FYB2: variants seen among roughly 807,000 people sequenced by gnomAD.
FYB2 encodes FYN-binding protein 2.
FYB2 carries 103 observed loss-of-function variants against 94.1 expected under a neutral mutation model. That is an observed-to-expected ratio of 1.09 (90% CI 0.93 to 1.29). The LOEUF (loss-of-function observed/expected upper bound fraction) is 1.29, where lower values mean the gene tolerates loss of function less well. Among genes scored for constraint, FYB2 ranks in the 50% most tolerant of loss-of-function variants. FYB2 has a pLI of 0.00. For missense variants in FYB2, 896 were observed against 841.5 expected, an observed-to-expected ratio of 1.06 and a Z score of -0.80; for synonymous variants, 293 against 287.9, an observed-to-expected ratio of 1.02 and a Z score of -0.18.
chr1:56,794,016 A>G (rs1646337439), intron 1 of FYB2, among the ~76,000 whole-genome samples: 1 of 152,218 alleles, frequency 6.6e-6, no homozygotes. Flanking sequence ...GGGCCATTAT[A>G]AGTGAAATGT....
chr1:56,732,767 A>G (rs1386017206), intron 15 of FYB2, among the ~76,000 whole-genome samples: 2 of 152,110 alleles, frequency 1.3e-5, no homozygotes, highest in African/African-American at 4.8e-5. Flanking sequence ...GGAAAACTGG[A>G]TATCCATATA....
chr1:56,808,731 G>C (rs1646700662), intron 1 of FYB2, among the ~76,000 whole-genome samples: 1 of 152,160 alleles, frequency 6.6e-6, no homozygotes, highest in Non-Finnish European at 1.5e-5. Context: ...TGCTGTAATA[G>C]AAAAGCATTA....
chr1:56,726,118 CTTTTT>C (rs901874922), intron 16 of FYB2, among the ~76,000 whole-genome samples: 2 of 151,684 alleles, frequency 1.3e-5, no homozygotes, highest in Middle Eastern at 3.4e-3. Context: ...TGATACCTAA[CTTTTT>C]TTTTCTCAAA....
intron 5 of FYB2, among the ~76,000 whole-genome samples, chr1:56,761,790 CT>C (rs398089289): frequency 1.1e-5 from 1 of 95,128 alleles, no homozygotes; most frequent in Admixed American, 1.0e-4. Flanking sequence ...TTCCTTCCCT[CT>C]CTCCTTCCCT....
At chr1:56,756,122 A>T (rs1246701331) in intron 6 of FYB2, among the ~76,000 whole-genome samples, 195 bp from the exon 7 acceptor site, 1 of 152,122 alleles carries the variant, frequency 6.6e-6, no homozygotes, top group Non-Finnish European at 1.5e-5. Flanking sequence ...AAATGAAAAC[A>T]AGCATTTCTG....
At chr1:56,805,721 GC>G (rs1415609728) in intron 1 of FYB2, among the ~76,000 whole-genome samples, 2 of 152,160 alleles carry the variant, frequency 1.3e-5, no homozygotes, top group Non-Finnish European at 2.9e-5. Context: ...TCTTTCCTGT[GC>G]TGCTCTCATG....
intron 17 of FYB2, 121 bp downstream of exon 17, chr1:56,723,466 GT>G (rs1377157993): frequency 1.9e-6 from 1 of 535,202 alleles, no homozygotes; most frequent in Non-Finnish European, 3.2e-6. Context: ...CTGGCTTTTT[GT>G]GTCAAAGATC....
rs77975488 is a variant in FYB2, at chr1:56,784,868, A to G, written c.953+2307T>C. Reference sequence around the variant, plus strand: ...CCCTGCCTTACCACTTGATAGTCTCACAAAAGAGAACACATAAGTAAACCT... The same window carrying G: ...CCCTGCCTTACCACTTGATAGTCTCGCAAAAGAGAACACATAAGTAAACCT... On this transcript the variant is annotated intron_variant, in intron 4 of 19. Transcript: ENST00000343433. Among the ~76,000 whole-genome samples the G allele has an allele frequency of 4.3e-3, 656 of 152,310 alleles. 2 individuals are homozygous for G. The highest frequency in any genetic ancestry group is 0.015 in the African/African-American group (620 of 41,572).
At chr1:56,726,672 C>T (rs1028815247) in intron 15 of FYB2, 89 bp from the exon 16 acceptor site, 7 of 1,089,874 alleles carry the variant, frequency 6.4e-6, no homozygotes, top group African/African-American at 4.9e-5. Flanking sequence ...TTATGTTTTA[C>T]AAAAAATTAA....
At chr1:56,774,599 C>G (rs984397523) in intron 4 of FYB2, among the ~76,000 whole-genome samples, 5 of 151,950 alleles carry the variant, frequency 3.3e-5, no homozygotes, top group Non-Finnish European at 5.9e-5. Context: ...CATAAATATA[C>G]GTACATGTAT....
upstream of FYB2, chr1:56,819,680 C>A: frequency 2.7e-6 from 1 of 377,248 alleles, no homozygotes; most frequent in Non-Finnish European, 5.0e-6. Flanking sequence ...ATGGGGATGG[C>A]AGGCTCCTGT....
chr1:56,791,463 C>T (rs1228265165), intron 2 of FYB2, among the ~76,000 whole-genome samples: 2 of 152,036 alleles, frequency 1.3e-5, no homozygotes, highest in African/African-American at 4.8e-5. Context: ...GCCATATTAG[C>T]CAGGCTGGTT....
intron 15 of FYB2, among the ~76,000 whole-genome samples, chr1:56,729,942 A>G (rs963409100): frequency 6.6e-6 from 1 of 152,136 alleles, no homozygotes; most frequent in Non-Finnish European, 1.5e-5. Flanking sequence ...CAATGGGTGA[A>G]GGAAGAAATT....
At chr1:56,811,048 C>A (rs909571771) in intron 1 of FYB2, among the ~76,000 whole-genome samples, 1 of 152,098 alleles carries the variant, frequency 6.6e-6, no homozygotes, top group Admixed American at 6.6e-5. Flanking sequence ...ACTCACTGAG[C>A]GCAGGTATGC....
At chr1:56,806,648 A>G (rs988913861) in intron 1 of FYB2, among the ~76,000 whole-genome samples, 7 of 152,246 alleles carry the variant, frequency 4.6e-5, no homozygotes, top group African/African-American at 1.7e-4. Flanking sequence ...CTCAAGGCAC[A>G]GGCCTATAGA....
intron 1 of FYB2, among the ~76,000 whole-genome samples, chr1:56,805,533 G>A (rs1462033846): frequency 6.6e-6 from 1 of 152,176 alleles, no homozygotes; most frequent in Admixed American, 6.5e-5. Flanking sequence ...GTCAGGATCA[G>A]AGCTTTCTGA....
chr1:56,820,012 G>A (rs1342378640), upstream of FYB2, among the ~76,000 whole-genome samples: 1 of 151,978 alleles, frequency 6.6e-6, no homozygotes, highest in African/African-American at 2.4e-5. Flanking sequence ...TGGATCACTT[G>A]AGGTCAGGAG....
chr1:56,740,734 A>C lies in FYB2; in HGVS notation c.1666T>G (p.Phe556Val), dbSNP rs369027992. The change falls in exon 13 of 20, where the codon TTT (phenylalanine) becomes GTT (valine). Residue 556 changes from phenylalanine (F) to valine (V), a missense_variant. Physicochemically the swap from Phe to Val is conservative, Grantham distance 50. Transcript: ENST00000343433. Reference sequence around the variant, plus strand: ...TTCGACTTGGTTTTCTTTATTTTAAATCTATCCTTTTCTTTCTTGAAGAAT... The same window carrying C: ...TTCGACTTGGTTTTCTTTATTTTAACTCTATCCTTTTCTTTCTTGAAGAAT... ...QQFFKKEKDR[F>V]KIKKTKSKEN... The C allele has an allele frequency of 1.2e-5, 20 of 1,607,856 alleles. No individual in the cohort carries two copies. The highest frequency in any genetic ancestry group is 1.7e-5 in the Non-Finnish European group (20 of 1,176,676).
intron 15 of FYB2, chr1:56,731,845 C>T (rs1644717986): frequency 6.6e-6 from 1 of 152,092 alleles, no homozygotes; most frequent in South Asian, 2.1e-4. Context: ...AAAAGTACCT[C>T]AACATAATAA....
Sources: allele counts gnomAD v4.1 joint callset (sites outside exome capture counted in the v4.1 genomes callset), GRCh38; gene constraint gnomAD v4.1.1; transcripts MANE v1.5; gene names NCBI Gene and HGNC (gene_info 2026-07-23, HGNC 2026-07-21).